The following ATP6V1C1 variants were observed in gnomAD, a reference collection of about 807,000 sequenced individuals.
ATP6V1C1 encodes ATPase H+ transporting V1 subunit C1.
Under a neutral mutation model 53.9 loss-of-function variants are expected in ATP6V1C1, and 45 were observed. That is an observed-to-expected ratio of 0.83 (90% confidence interval 0.66 to 1.07). The LOEUF (loss-of-function observed/expected upper bound fraction) is 1.07. ATP6V1C1 is among the 50% of genes least tolerant of loss of function. ATP6V1C1 has a pLI of 0.00. For synonymous variants in ATP6V1C1, 153 were observed against 155.2 expected, an observed-to-expected ratio of 0.99 and a Z score of 0.11; for missense variants, 315 against 440.3, an observed-to-expected ratio of 0.72 and a Z score of 2.55.
rs544138766 is a variant in ATP6V1C1 at position 103,024,006 on chromosome 8, A to G, written c.-40+2781A>G. ...GGCAGTGGTGGGCTATGTCTTATCTATAATCTTGGATAGAGCTGTTCAATT... is the reference window on the plus strand; with the variant it reads ...GGCAGTGGTGGGCTATGTCTTATCTGTAATCTTGGATAGAGCTGTTCAATT... On this transcript the variant is annotated intron_variant, in intron 1 of 12. Transcript: ENST00000518738. Among the ~76,000 whole-genome samples, 48 of 152,292 alleles carry G rather than the reference A, an allele frequency of 3.2e-4. No homozygotes were observed. In the East Asian group the frequency reaches 8.9e-3, roughly 28 times the overall value.
rs894165286 is a variant in ATP6V1C1 at position 103,050,977 on chromosome 8, AAT to A, written c.287-68_287-67del. On this transcript the variant is annotated intron_variant, in intron 4 of 12. Coordinates refer to ENST00000518738, the MANE Select transcript of ATP6V1C1 (RefSeq NM_001695.5). ...TCCTCAATGCCAATTTCAGCATTAAAATATATCGCTGTGTAAAAAACTGAACA... is the reference window on the plus strand; with the variant it reads ...TCCTCAATGCCAATTTCAGCATTAAAATATCGCTGTGTAAAAAACTGAACA... The A allele has an allele frequency of 1.1e-4, 114 of 1,021,554 alleles. No homozygotes were observed. In the Middle Eastern group the frequency reaches 3.9e-3, roughly 35 times the overall value. 63.3% of individuals were successfully genotyped at this position (1,021,554 alleles called of 1,614,324 possible).
At chr8:103,056,695 C>T (rs964440686) in intron 8 of ATP6V1C1, among the ~76,000 whole-genome samples, 8 of 152,156 alleles carry the variant, frequency 5.3e-5, no homozygotes, top group African/African-American at 1.7e-4. Context: ...TTTCTGTGTT[C>T]TGCCATTGCC....
intron 3 of ATP6V1C1, among the ~76,000 whole-genome samples, chr8:103,044,012 C>G (rs551929840): frequency 6.6e-6 from 1 of 152,164 alleles, no homozygotes; most frequent in Non-Finnish European, 1.5e-5. Flanking sequence ...CCTCAGCCTC[C>G]CGAGTAGCTG....
rs1281907483 is a variant in ATP6V1C1, at chr8:103,056,057, C to A, written c.641+121C>A. ...GATAAATTAACCTCATGAGTGAGTTCTATGAACTCTAGTTGTAATAATTTT... is the reference window on the plus strand; with the variant it reads ...GATAAATTAACCTCATGAGTGAGTTATATGAACTCTAGTTGTAATAATTTT... On this transcript the variant is annotated intron_variant, in intron 8 of 12. Transcript: ENST00000518738. The A allele has an allele frequency of 1.1e-5, 9 of 849,420 alleles. No individual in the cohort carries two copies. The African/African-American group carries it at 1.2e-4, about 11-fold the overall frequency. 52.6% of individuals were successfully genotyped at this position (849,420 alleles called of 1,614,324 possible).
intron 1 of ATP6V1C1, among the ~76,000 whole-genome samples, chr8:103,028,198 G>A (rs1251951521): frequency 2.0e-5 from 3 of 152,132 alleles, no homozygotes; most frequent in Non-Finnish European, 1.5e-5. Flanking sequence ...GGCTTGGGTT[G>A]GCTTAAACTG....
At chr8:103,054,070 A>G in intron 7 of ATP6V1C1, 88 bp downstream of exon 7, 3 of 1,031,548 alleles carry the variant, frequency 2.9e-6, no homozygotes, top group Non-Finnish European at 4.3e-6. Context: ...TTTTCCATAA[A>G]ATCCAAGCGT....
At chr8:103,047,715 A>T (rs1817129534) in intron 3 of ATP6V1C1, among the ~76,000 whole-genome samples, 1 of 152,102 alleles carries the variant, frequency 6.6e-6, no homozygotes, top group Non-Finnish European at 1.5e-5. Flanking sequence ...CATTCTCTGG[A>T]TGCCTACTGC....
chr8:103,029,062 A>G (rs1035097264), intron 1 of ATP6V1C1, among the ~76,000 whole-genome samples: 6 of 152,098 alleles, frequency 3.9e-5, no homozygotes, highest in Admixed American at 6.5e-5. Context: ...GAAAACAAAC[A>G]TTCATAATCA....
At chr8:103,062,589 A>G (rs903739933) in intron 8 of ATP6V1C1, among the ~76,000 whole-genome samples, 7 of 152,206 alleles carry the variant, frequency 4.6e-5, no homozygotes, top group Non-Finnish European at 8.8e-5. Flanking sequence ...GGAGAAAGGA[A>G]GAAAGAATTA....
chr8:103,050,623 A>C (rs764884108), intron 4 of ATP6V1C1, among the ~76,000 whole-genome samples: 1 of 152,214 alleles, frequency 6.6e-6, no homozygotes, highest in Non-Finnish European at 1.5e-5. Context: ...GGACTCCTGG[A>C]AACAATCATC....
chr8:103,065,694 T>C (rs1174768114), intron 11 of ATP6V1C1, among the ~76,000 whole-genome samples: 1 of 152,216 alleles, frequency 6.6e-6, no homozygotes, highest in Non-Finnish European at 1.5e-5. Flanking sequence ...ACCATAAAAG[T>C]ATCTGCTGAC....
intron 11 of ATP6V1C1, among the ~76,000 whole-genome samples, chr8:103,065,583 AAAAC>A (rs1023530032): frequency 1.6e-4 from 24 of 152,146 alleles, no homozygotes; most frequent in South Asian, 6.2e-4. Context: ...AACAAAACAC[AAAAC>A]AAACAAAAAA....
intron 1 of ATP6V1C1, among the ~76,000 whole-genome samples, chr8:103,028,445 G>C (rs575068901): frequency 2.7e-4 from 41 of 152,326 alleles, no homozygotes; most frequent in African/African-American, 8.2e-4. Flanking sequence ...TCTGTCCATA[G>C]CCTTCAAGAG....
intron 1 of ATP6V1C1, among the ~76,000 whole-genome samples, chr8:103,024,662 T>G (rs1301911893): frequency 1.3e-5 from 2 of 152,246 alleles, no homozygotes; most frequent in East Asian, 3.8e-4. Flanking sequence ...CATGTTAGAT[T>G]TCCATTTTTC....
At chr8:103,041,109 T>G in intron 2 of ATP6V1C1, 141 bp downstream of exon 2, 1 of 987,298 alleles carries the variant, frequency 1.0e-6, no homozygotes, top group South Asian at 2.9e-5. Flanking sequence ...AAAATGTGTC[T>G]TCTTTGAAAT....
chr8:103,066,520 A>C, intron 12 of ATP6V1C1, 73 bp downstream of exon 12: 1 of 1,425,546 alleles, frequency 7.0e-7, no homozygotes, highest in Non-Finnish European at 9.3e-7. Context: ...AAGAAGATAG[A>C]CAGAAAAGGG....
chr8:103,065,969 G>A (rs747062770), intron 11 of ATP6V1C1, among the ~76,000 whole-genome samples: 1 of 151,672 alleles, frequency 6.6e-6, no homozygotes, highest in Non-Finnish European at 1.5e-5. Context: ...TTGAACCCAG[G>A]AGGCGGAGAT....
intron 1 of ATP6V1C1, among the ~76,000 whole-genome samples, chr8:103,033,326 A>G (rs1326607013): frequency 1.3e-5 from 2 of 152,220 alleles, no homozygotes; most frequent in Admixed American, 6.5e-5. Context: ...TTAATTCTAT[A>G]TAAATTATAT....
At chr8:103,022,648 A>G (rs1816617716) in intron 1 of ATP6V1C1, among the ~76,000 whole-genome samples, 1 of 152,216 alleles carries the variant, frequency 6.6e-6, no homozygotes, top group African/African-American at 2.4e-5. Context: ...TTTAAAGATT[A>G]AAACAATTTT....
Sources: gnomAD v4.1 joint callset for allele counts (sites outside exome capture counted in the v4.1 genomes callset) on GRCh38, gnomAD v4.1.1 for gene constraint, MANE v1.5 for transcripts, NCBI Gene and HGNC (gene_info 2026-07-23, HGNC 2026-07-21) for gene names.